CLMN: variants seen among roughly 807,000 people sequenced by gnomAD.
CLMN encodes the protein calmin, also known as calmin (calponin-like, transmembrane).
CLMN carries 57 observed loss-of-function variants against 92.7 expected under a neutral mutation model. The ratio of observed to expected loss-of-function variants is 0.61; its 90% CI spans 0.50 to 0.77. The LOEUF (loss-of-function observed/expected upper bound fraction) is 0.77. CLMN is among the 30% of genes least tolerant of loss of function. CLMN has a pLI of 0.00. For synonymous variants in CLMN, 466 were observed against 470.6 expected (o/e 0.99, Z 0.13); for missense variants, 1,158 against 1,237.5 (o/e 0.94, Z 0.96).
intron 1 of CLMN, among the ~76,000 whole-genome samples, chr14:95,301,502 T>C (rs904225327): frequency 1.2e-5 from 1 of 81,258 alleles, no homozygotes; most frequent in Non-Finnish European, 3.1e-5. Context: ...CATTGAGGGA[T>C]GCTGGCCTCC....
chr14:95,285,335 C>G (rs950168153), intron 1 of CLMN, among the ~76,000 whole-genome samples: 2 of 152,090 alleles, frequency 1.3e-5, no homozygotes, highest in Non-Finnish European at 2.9e-5. Context: ...AAAAATTAAA[C>G]CTGAAACCAC....
intron 9 of CLMN, among the ~76,000 whole-genome samples, chr14:95,198,553 T>G (rs1173955377): frequency 6.6e-6 from 1 of 152,108 alleles, no homozygotes; most frequent in Non-Finnish European, 1.5e-5. Context: ...CAGTGGGCAG[T>G]GCTTGCTGGG....
At chr14:95,244,895 A>G (rs1291893659) in intron 1 of CLMN, among the ~76,000 whole-genome samples, 3 of 151,554 alleles carry the variant, frequency 2.0e-5, no homozygotes, top group Non-Finnish European at 4.4e-5. Flanking sequence ...CAGGAATCTC[A>G]TAACCACCTA....
At chr14:95,286,851 C>A (rs893104524) in intron 1 of CLMN, among the ~76,000 whole-genome samples, 1 of 152,180 alleles carries the variant, frequency 6.6e-6, no homozygotes, top group African/African-American at 2.4e-5. Context: ...TCACTCAACA[C>A]CTGTGTGTGC....
intron 1 of CLMN, among the ~76,000 whole-genome samples, chr14:95,317,710 G>C (rs1445952383): frequency 6.6e-6 from 1 of 152,126 alleles, no homozygotes; most frequent in Non-Finnish European, 1.5e-5. Flanking sequence ...TGGTGGTCAG[G>C]GGGCAGTGTT....
At chr14:95,225,989 C>T (rs1566878996) in intron 2 of CLMN, among the ~76,000 whole-genome samples, 1 of 152,180 alleles carries the variant, frequency 6.6e-6, no homozygotes, top group Admixed American at 6.5e-5. Flanking sequence ...AAACTCTGTT[C>T]CCCGGAACCT....
intron 1 of CLMN, among the ~76,000 whole-genome samples, chr14:95,270,745 C>G (rs1399465484): frequency 2.0e-5 from 3 of 152,188 alleles, no homozygotes; most frequent in Non-Finnish European, 4.4e-5. Flanking sequence ...TTCTGCCTAC[C>G]ATGAATAATT....
In CLMN at chr14:95,203,158, G is replaced by A. The variant is rs370472721; in HGVS notation, c.2191C>T (p.His731Tyr). 1.9e-6 allele frequency: 3 copies of A among 1,612,576 alleles called. No homozygotes were observed. The African/African-American group carries it at 4.0e-5, about 22-fold the overall frequency. ...VIPHDLFYFPHYEVPLAAVLE... is the reference protein window; with the variant it reads ...VIPHDLFYFPYYEVPLAAVLE... ...ACTGCAGCCAGGGGAACCTCATAGT[G>A]TGGGAAATAGAAGAGGTCGTGGGGA... is the stretch of plus-strand genomic sequence containing the variant. The change falls in exon 9 of 13, where the codon CAC becomes TAC. Residue 731 changes from histidine (H) to tyrosine (Y), a missense_variant. His to Tyr is a moderately conservative substitution (Grantham distance 83, BLOSUM62 2). Coordinates refer to ENST00000298912, the MANE Select transcript of CLMN (RefSeq NM_024734.4).
At chr14:95,268,003 C>T (rs1269898027) in intron 1 of CLMN, among the ~76,000 whole-genome samples, 2 of 152,024 alleles carry the variant, frequency 1.3e-5, no homozygotes, top group African/African-American at 4.8e-5. Context: ...TTATGGTTAT[C>T]AGAGGCCAGG....
chr14:95,239,288 G>A (rs1416522060), intron 1 of CLMN, among the ~76,000 whole-genome samples: 3 of 152,182 alleles, frequency 2.0e-5, no homozygotes, highest in Non-Finnish European at 2.9e-5. Context: ...GACCTCATGG[G>A]CTTCCTTTGG....
chr14:95,290,094 A>G (rs1052952791), intron 1 of CLMN, among the ~76,000 whole-genome samples: 2 of 152,250 alleles, frequency 1.3e-5, no homozygotes, highest in African/African-American at 2.4e-5. Context: ...TAATCCTCAC[A>G]TGAAAGACAA....
chr14:95,196,468 C>A (rs200436718), intron 10 of CLMN, 30 bp downstream of exon 10: 1 of 1,592,518 alleles, frequency 6.3e-7, no homozygotes, highest in Middle Eastern at 1.7e-4. Context: ...CTGGCTCCAC[C>A]TTACGGGTGA....
At chr14:95,222,099 T>C (rs1369787047) in intron 3 of CLMN, among the ~76,000 whole-genome samples, 2 of 152,194 alleles carry the variant, frequency 1.3e-5, no homozygotes, top group Non-Finnish European at 2.9e-5. Context: ...ACCCAGCTCC[T>C]GGCTTGTTAG....
At chr14:95,289,510 C>T (rs11624674) in intron 1 of CLMN, among the ~76,000 whole-genome samples, 7,812 of 40,392 alleles carry the variant, frequency 0.19, 244 homozygotes, top group Non-Finnish European at 0.29. Context: ...AATAAATAAA[C>T]AAACAAACAA....
intron 1 of CLMN, among the ~76,000 whole-genome samples, chr14:95,263,400 C>T (rs1899336980): frequency 6.6e-6 from 1 of 152,150 alleles, no homozygotes; most frequent in African/African-American, 2.4e-5. Context: ...ATGGGAACTA[C>T]AATTCAAGAT....
At chr14:95,193,741 A>G (rs1308371630) in intron 12 of CLMN, 108 bp downstream of exon 12, 3 of 1,306,554 alleles carry the variant, frequency 2.3e-6, no homozygotes, top group Non-Finnish European at 3.2e-6. Flanking sequence ...AATTATTAAT[A>G]CTGTTATCAA....
intron 1 of CLMN, among the ~76,000 whole-genome samples, chr14:95,281,433 A>G (rs1900141046): frequency 6.6e-6 from 1 of 152,244 alleles, no homozygotes; most frequent in Non-Finnish European, 1.5e-5. Context: ...TGGGAACTAG[A>G]GAAAGAAAAA....
chr14:95,207,377 C>T (rs1268158551), intron 8 of CLMN, among the ~76,000 whole-genome samples: 1 of 152,128 alleles, frequency 6.6e-6, no homozygotes, highest in Non-Finnish European at 1.5e-5. Context: ...GCTTCAGCCT[C>T]CCAAAGTGTT....
At chr14:95,202,190 C>A (rs1353461458) in intron 9 of CLMN, among the ~76,000 whole-genome samples, 1 of 152,204 alleles carries the variant, frequency 6.6e-6, no homozygotes. Context: ...GACTAATTTA[C>A]AATCCCACCA....
Sources: allele counts gnomAD v4.1 joint callset (sites outside exome capture counted in the v4.1 genomes callset), GRCh38; gene constraint gnomAD v4.1.1; transcripts MANE v1.5; gene names NCBI Gene and HGNC (gene_info 2026-07-23, HGNC 2026-07-21).